PXN: variants seen among roughly 807,000 people sequenced by gnomAD.
The protein encoded by PXN is paxillin.
In PXN, 61 loss-of-function variants were observed where a neutral mutation model predicts 103.6. The ratio of observed to expected loss-of-function variants is 0.59; its 90% confidence interval spans 0.48 to 0.73. PXN has a LOEUF of 0.73. Among genes scored for constraint, PXN ranks in the 30% least tolerant of loss-of-function variants. The pLI is 0.00. For synonymous variants in PXN, 562 were observed against 607.8 expected (o/e 0.92, Z 1.11); for missense variants, 1,274 against 1,460.3 (o/e 0.87, Z 2.08).
At position 120,226,275 on chromosome 12, in the gene PXN, G is replaced by A. The variant is rs1886844942; in HGVS notation, c.14-1898C>T. The A allele has an allele frequency of 5.4e-6, 7 of 1,288,962 alleles. No homozygotes were observed. The South Asian group carries it at 7.4e-5, about 14-fold the overall frequency. 79.8% of individuals were successfully genotyped at this position (1,288,962 alleles called of 1,614,324 possible). ...AACCCCATAGGACTCCCCAGAGCAG[G>A]CAACGAATGAGTGCAACCCCAGTAG... On this transcript the variant is annotated intron_variant, in intron 1 of 14. Transcript: ENST00000637617.
chr12:120,214,538 AGGCCGCT>A lies in PXN; in HGVS notation c.2748+280_2748+286del, dbSNP rs1237116123. ...CCTAAGTTCACAGAGAGGGAGAGTG[AGGCCGCT>A]GGCATCCAACTCCATTTATCTCCTC... On this transcript the variant is annotated intron_variant, in intron 12 of 14. Coordinates refer to ENST00000637617, the MANE Select transcript of PXN (RefSeq NM_001385981.1). The surrounding 1 kb of genome is among the most constrained non-coding windows in gnomAD (Gnocchi z 5.0). Among the ~76,000 whole-genome samples the A allele has an allele frequency of 1.3e-5, 2 of 152,212 alleles. No individual in the cohort carries two copies. The highest frequency in any genetic ancestry group is 2.9e-5 in the Non-Finnish European group (2 of 68,042).
At chr12:120,260,292 C>A (rs922320678) in intron 1 of PXN, among the ~76,000 whole-genome samples, 2 of 152,122 alleles carry the variant, frequency 1.3e-5, no homozygotes, top group Non-Finnish European at 2.9e-5. Flanking sequence ...GGTGGATCAC[C>A]TGAAGTCGGG....
At chr12:120,235,260 G>A (rs1180515495) in intron 1 of PXN, among the ~76,000 whole-genome samples, 1 of 152,132 alleles carries the variant, frequency 6.6e-6, no homozygotes, top group African/African-American at 2.4e-5. Context: ...CTCCTGCCAC[G>A]GAAGCTCTGA....
At chr12:120,235,875 T>C (rs985573963) in intron 1 of PXN, among the ~76,000 whole-genome samples, 1 of 152,200 alleles carries the variant, frequency 6.6e-6, no homozygotes, top group Admixed American at 6.5e-5. Flanking sequence ...GGGTGCAAGA[T>C]GGGCCTGCCC....
chr12:120,216,552 G>T lies in PXN; in HGVS notation c.2022C>A (p.Pro674=). ...KVVFPPGSPI[P]LRRTISVLAS... ...CCAGGACAGAGATGGTTCTTCTCAGGGGAATGGGAGAGCCAGGAGGGAAGA... is the reference window on the plus strand; with the variant it reads ...CCAGGACAGAGATGGTTCTTCTCAGTGGAATGGGAGAGCCAGGAGGGAAGA... Residue 674 remains proline, a synonymous_variant, in exon 9 of 15, where the codon CCC becomes CCA. Transcript: ENST00000637617. The surrounding 1 kb of genome is among the most constrained non-coding windows in gnomAD (Gnocchi z 5.1). 7.0e-7 allele frequency: 1 copy of T among 1,421,902 alleles called. No homozygotes were observed. The highest frequency in any genetic ancestry group is 9.1e-7 in the Non-Finnish European group (1 of 1,096,980). 88.1% of individuals were successfully genotyped at this position (1,421,902 alleles called of 1,614,324 possible).
chr12:120,219,075 G>T lies in PXN; in HGVS notation c.1716+132C>A. Reference sequence around the variant, plus strand: ...TGCCAAGTGCTGACTGTCAGGTCCGGCCACAGTGTCTCAGCATTTTCTGCC... The same window carrying T: ...TGCCAAGTGCTGACTGTCAGGTCCGTCCACAGTGTCTCAGCATTTTCTGCC... On this transcript the variant is annotated intron_variant, in intron 7 of 14. Coordinates refer to ENST00000637617, the MANE Select transcript of PXN (RefSeq NM_001385981.1). The surrounding 1 kb of genome is among the most constrained non-coding windows in gnomAD (Gnocchi z 6.5). 9.7e-7 allele frequency: 1 copy of T among 1,027,740 alleles called. No homozygotes were observed. Among genetic ancestry groups the T allele is most frequent in the Non-Finnish European group, 1.4e-6 (1 of 732,342 alleles). 63.7% of individuals were successfully genotyped at this position (1,027,740 alleles called of 1,614,324 possible). A position where few individuals can be genotyped will look rare whatever the true frequency, so the allele number is the denominator to read the frequency against.
intron 1 of PXN, among the ~76,000 whole-genome samples, chr12:120,243,966 T>C (rs1285252551): frequency 1.3e-5 from 2 of 151,956 alleles, no homozygotes; most frequent in Non-Finnish European, 2.9e-5. Context: ...AGGGGCTCCA[T>C]GGATGATACC....
In PXN at chr12:120,211,879, A is replaced by G. The variant is rs1355148133; in HGVS notation, c.*435T>C. On this transcript the variant is annotated 3_prime_UTR_variant, in exon 15 of 15. Transcript: ENST00000637617. The stretch of plus-strand genomic sequence containing the variant: ...GAGCCGGGTGTCCCCCAATAATCAC[A>G]GAACAAAGACAATTAGGTCGGGGGA... 1.9e-6 allele frequency: 1 copy of G among 513,724 alleles called. No individual in the cohort carries two copies. The highest frequency in any genetic ancestry group is 2.0e-5 in the Admixed American group (1 of 50,322). The allele number at this position is 513,724 out of a possible 1,614,324, so 31.8% of individuals were successfully genotyped here.
chr12:120,235,649 G>A (rs1888890772), intron 1 of PXN, among the ~76,000 whole-genome samples: 1 of 152,108 alleles, frequency 6.6e-6, no homozygotes, highest in South Asian at 2.1e-4. Flanking sequence ...CCCACTCCAA[G>A]TCTCCTGTTC....
chr12:120,241,895 T>C (rs748947063), intron 1 of PXN, among the ~76,000 whole-genome samples: 15 of 152,058 alleles, frequency 9.9e-5, no homozygotes, highest in African/African-American at 2.9e-4. Context: ...CAGGGCTCAA[T>C]TGGAGGAAGA....
In PXN at chr12:120,227,225, G is replaced by C. The variant is rs973195586; in HGVS notation, c.14-2848C>G. ...TACAAAAAATTTAAAAATTAGCTGG[G>C]TGTGGTGGCGCATGCCTATAGTCCC... On this transcript the variant is annotated intron_variant, in intron 1 of 14. Transcript: ENST00000637617. 39 of 906,140 alleles carry C rather than the reference G, an allele frequency of 4.3e-5. No homozygotes were observed. The Admixed American group carries it at 6.8e-4, about 16-fold the overall frequency. 56.1% of individuals were successfully genotyped at this position (906,140 alleles called of 1,614,324 possible). A position where few individuals can be genotyped will look rare whatever the true frequency, so the allele number is the denominator to read the frequency against.
intron 1 of PXN, chr12:120,226,294 C>A (rs753987359): frequency 5.4e-6 from 7 of 1,289,020 alleles, no homozygotes; most frequent in Non-Finnish European, 7.1e-6. Flanking sequence ...GAGTGCAACC[C>A]CAGTAGGGGG....
intron 1 of PXN, among the ~76,000 whole-genome samples, chr12:120,248,110 G>GA (rs1221585995): frequency 2.6e-5 from 4 of 152,158 alleles, no homozygotes; most frequent in Admixed American, 2.6e-4. Flanking sequence ...CAATAATTGA[G>GA]AAAAAACTCT....
intron 1 of PXN, among the ~76,000 whole-genome samples, chr12:120,243,851 C>G (rs917034672): frequency 7.2e-5 from 11 of 152,198 alleles, no homozygotes; most frequent in Admixed American, 3.9e-4. Flanking sequence ...TAGGAACTGT[C>G]TGCCTAAGGG....
rs1162532232 is a variant in PXN at position 120,215,984 on chromosome 12, T to C, written c.2301+289A>G. ...GGAGACAGGTTTCTGGTCTCCCTTCTGGAGTGGCTTCTTTCCTCGATGGGA... is the reference window on the plus strand; with the variant it reads ...GGAGACAGGTTTCTGGTCTCCCTTCCGGAGTGGCTTCTTTCCTCGATGGGA... On this transcript the variant is annotated intron_variant, in intron 9 of 14. Coordinates refer to ENST00000637617, the MANE Select transcript of PXN (RefSeq NM_001385981.1). This position sits in a 1 kb window ranked among gnomAD's most constrained non-coding sequence, Gnocchi z 4.9. The C allele has an allele frequency of 4.4e-6, 6 of 1,370,182 alleles. No homozygotes were observed. Among genetic ancestry groups the C allele is most frequent in the Non-Finnish European group, 5.6e-6 (6 of 1,062,200 alleles). 84.9% of individuals were successfully genotyped at this position (1,370,182 alleles called of 1,614,324 possible).
In PXN at chr12:120,214,452, C is replaced by T. The variant is rs1404545597; in HGVS notation, c.2749-235G>A. On this transcript the variant is annotated intron_variant, in intron 12 of 14. Coordinates refer to ENST00000637617, the MANE Select transcript of PXN (RefSeq NM_001385981.1). The surrounding 1 kb of genome is among the most constrained non-coding windows in gnomAD (Gnocchi z 5.0). Reference sequence around the variant, plus strand: ...TACTCCTCACCCCAAGTAGAGGGCACAAGTTCTATGACTCCCATTTTATAA... The same window carrying T: ...TACTCCTCACCCCAAGTAGAGGGCATAAGTTCTATGACTCCCATTTTATAA... Among the ~76,000 whole-genome samples the T allele has an allele frequency of 6.6e-6, 1 of 152,188 alleles. No homozygotes were observed. Among genetic ancestry groups the T allele is most frequent in the Non-Finnish European group, 1.5e-5 (1 of 68,030 alleles).
intron 1 of PXN, among the ~76,000 whole-genome samples, chr12:120,238,646 C>T (rs1228748007): frequency 6.6e-6 from 1 of 152,228 alleles, no homozygotes; most frequent in Non-Finnish European, 1.5e-5. Context: ...GTGGAGCATT[C>T]CAGAAGGTTG....
At position 120,214,123 on chromosome 12, in the gene PXN, G is replaced by A. The variant is rs1309631498; in HGVS notation, c.2830+13C>T. 1 of 1,553,588 alleles carries A rather than the reference G, an allele frequency of 6.4e-7. No homozygotes were observed. Among genetic ancestry groups the A allele is most frequent in the South Asian group, 1.2e-5 (1 of 84,228 alleles). ...TAAGAGGCGGTGGGTCAGTCCGCCG[G>A]TCCAGCCCGTACCTTCGGGACCAAA... On this transcript the variant is annotated intron_variant, in intron 13 of 14. Transcript: ENST00000637617. This position sits in a 1 kb window ranked among gnomAD's most constrained non-coding sequence, Gnocchi z 5.0.
chr12:120,238,297 T>A (rs1889491368), intron 1 of PXN, among the ~76,000 whole-genome samples: 1 of 152,134 alleles, frequency 6.6e-6, no homozygotes, highest in Non-Finnish European at 1.5e-5. Context: ...GTAGTTAGCC[T>A]GCAAGAAGCC....
Sources: allele counts gnomAD v4.1 joint callset (sites outside exome capture counted in the v4.1 genomes callset), GRCh38; gene constraint gnomAD v4.1.1; non-coding constraint Gnocchi (gnomAD v3.1); transcripts MANE v1.5; gene names NCBI Gene and HGNC (gene_info 2026-07-23, HGNC 2026-07-21).